Variants in CCDC91 observed in about 807,000 individuals in gnomAD.
CCDC91 encodes coiled-coil domain containing 91, also known as coiled-coil domain-containing protein 91.
A neutral mutation model predicts 63.2 loss-of-function variants in CCDC91; 48 were observed. The observed-to-expected ratio is 0.76, with a 90% CI of 0.60 to 0.97. The LOEUF (loss-of-function observed/expected upper bound fraction) is 0.97, where lower values mean the gene tolerates loss of function less well. Ranked by LOEUF, CCDC91 falls within the 50% of genes least tolerant of loss-of-function variation. The pLI is 0.00. For missense variants in CCDC91, 500 were observed against 494.6 expected (o/e 1.01, Z -0.10); for synonymous variants, 167 against 165.8 (o/e 1.01, Z -0.06).
intron 8 of CCDC91, among the ~76,000 whole-genome samples, chr12:28,423,398 G>A (rs1477388531): frequency 2.6e-5 from 4 of 151,958 alleles, no homozygotes; most frequent in East Asian, 1.9e-4. Context: ...TGAAATATAC[G>A]GGGGACAAAG....
intron 7 of CCDC91, among the ~76,000 whole-genome samples, chr12:28,389,883 G>C (rs1945829181): frequency 6.6e-6 from 1 of 151,942 alleles, no homozygotes; most frequent in African/African-American, 2.4e-5. Context: ...TTTCCACACA[G>C]GTAAGTTAGA....
At chr12:28,267,916 AT>A (rs1947433510) in intron 3 of CCDC91, among the ~76,000 whole-genome samples, 1 of 97,744 alleles carries the variant, frequency 1.0e-5, no homozygotes, top group Non-Finnish European at 1.9e-5. Flanking sequence ...ATTATATATA[AT>A]TATTATAATT....
intron 8 of CCDC91, among the ~76,000 whole-genome samples, chr12:28,397,235 CAAG>C (rs1946347312): frequency 1.3e-5 from 2 of 151,924 alleles, no homozygotes; most frequent in South Asian, 4.1e-4. Context: ...CATATGGCAA[CAAG>C]AAAGTATCAC....
At chr12:28,450,102 C>A in intron 8 of CCDC91, 59 bp from the exon 9 acceptor site, 1 of 921,858 alleles carries the variant, frequency 1.1e-6, no homozygotes, top group East Asian at 2.5e-5. Context: ...CAGCTACTCT[C>A]CTTGTTGACA....
rs116353742 is a variant in CCDC91 at position 28,504,104 on chromosome 12, T to C, written c.1215+19939T>C. On this transcript the variant is annotated intron_variant, in intron 12 of 12. Transcript: ENST00000536442. ...GTGTAAAAATAATAAAATAAATTAA[T>C]TTAAAAAAGACTCCAACTCCAAAAA... Among the ~76,000 whole-genome samples the C allele has an allele frequency of 7.8e-3, 1,143 of 147,364 alleles. 17 individuals carry two copies. The highest frequency in any genetic ancestry group is 0.027 in the African/African-American group (1,109 of 41,186).
chr12:28,487,608 A>G (rs1453369143), intron 12 of CCDC91, among the ~76,000 whole-genome samples: 1 of 151,652 alleles, frequency 6.6e-6, no homozygotes, highest in East Asian at 1.9e-4. Context: ...TACATCAGAG[A>G]ACACATTTCC....
chr12:28,229,344 A>T (rs752001072), intron 1 of CCDC91, among the ~76,000 whole-genome samples: 68 of 152,120 alleles, frequency 4.5e-4, no homozygotes, highest in Admixed American at 8.5e-4. Context: ...TGAGCCAGAT[A>T]CTATTCTAGG....
intron 1 of CCDC91, among the ~76,000 whole-genome samples, chr12:28,222,175 C>A (rs1173855279): frequency 6.7e-6 from 1 of 150,234 alleles, no homozygotes; most frequent in Admixed American, 6.6e-5. Context: ...TAAATCTGGT[C>A]TCTGTGTTTC....
chr12:28,322,690 T>C (rs1183832582), intron 6 of CCDC91, among the ~76,000 whole-genome samples: 8 of 151,764 alleles, frequency 5.3e-5, no homozygotes, highest in African/African-American at 1.9e-4. Context: ...ATTTCAAATA[T>C]AGAAATCCAT....
chr12:28,326,606 T>C (rs1941032230), intron 6 of CCDC91, among the ~76,000 whole-genome samples: 1 of 140,446 alleles, frequency 7.1e-6, no homozygotes, highest in Non-Finnish European at 1.5e-5. Context: ...TGTGTCCATG[T>C]GTTCTCATTG....
chr12:28,388,230 AT>A (rs1440306898), intron 7 of CCDC91, among the ~76,000 whole-genome samples: 1 of 151,720 alleles, frequency 6.6e-6, no homozygotes, highest in Non-Finnish European at 1.5e-5. Context: ...GGGATTGTTT[AT>A]TTTTTTCTTG....
At chr12:28,371,708 T>C (rs1477593405) in intron 7 of CCDC91, among the ~76,000 whole-genome samples, 1 of 152,230 alleles carries the variant, frequency 6.6e-6, no homozygotes, top group African/African-American at 2.4e-5. Flanking sequence ...TTGAACATTG[T>C]ATTCATTAGG....
At chr12:28,275,594 C>T (rs193293601) in intron 3 of CCDC91, among the ~76,000 whole-genome samples, 68 of 152,022 alleles carry the variant, frequency 4.5e-4, no homozygotes, top group Admixed American at 3.0e-3. Flanking sequence ...CAATAGAAAA[C>T]GAGGGAATCC....
chr12:28,331,761 C>G (rs1480184311), intron 6 of CCDC91, among the ~76,000 whole-genome samples: 2 of 152,112 alleles, frequency 1.3e-5, no homozygotes, highest in Admixed American at 1.3e-4. Flanking sequence ...AAGTGTGCCT[C>G]TTTGGGACAC....
chr12:28,478,001 A>G (rs2140826043), intron 11 of CCDC91, among the ~76,000 whole-genome samples: 1 of 152,344 alleles, frequency 6.6e-6, no homozygotes, highest in South Asian at 2.1e-4. Context: ...GCTCATGGAT[A>G]GGAATAATCA....
At chr12:28,455,643 TAA>T (rs1950023149) in intron 11 of CCDC91, among the ~76,000 whole-genome samples, 2 of 151,942 alleles carry the variant, frequency 1.3e-5, no homozygotes, top group South Asian at 4.1e-4. Flanking sequence ...GCAAATATAT[TAA>T]GTTAGTTTAG....
At chr12:28,490,856 A>G (rs140794122) in intron 12 of CCDC91, among the ~76,000 whole-genome samples, 1 of 151,914 alleles carries the variant, frequency 6.6e-6, no homozygotes, top group Non-Finnish European at 1.5e-5. Context: ...GCATAAGAAT[A>G]ATCTTGAAAA....
intron 8 of CCDC91, among the ~76,000 whole-genome samples, chr12:28,437,637 C>G (rs555871612): frequency 1.9e-4 from 29 of 152,074 alleles, no homozygotes; most frequent in Admixed American, 3.9e-4. Flanking sequence ...AAATATCTAG[C>G]TAAGGATGAC....
intron 3 of CCDC91, among the ~76,000 whole-genome samples, chr12:28,261,369 G>A (rs1018598660): frequency 6.6e-6 from 1 of 151,910 alleles, no homozygotes; most frequent in African/African-American, 2.4e-5. Flanking sequence ...ATAAGGCTGA[G>A]TAGATTAATT....
Sources: gnomAD v4.1 joint callset for allele counts (sites outside exome capture counted in the v4.1 genomes callset) on GRCh38, gnomAD v4.1.1 for gene constraint, MANE v1.5 for transcripts, NCBI Gene and HGNC (gene_info 2026-07-23, HGNC 2026-07-21) for gene names.